The following STAT5B variants were observed in gnomAD, a reference collection of about 807,000 sequenced individuals.
STAT5B encodes signal transducer and activator of transcription 5B.
In STAT5B, 21 loss-of-function variants were observed where a neutral mutation model predicts 107.8. That is an observed-to-expected ratio of 0.19 (90% CI 0.14 to 0.28). The LOEUF (loss-of-function observed/expected upper bound fraction) is 0.28. STAT5B is among the 10% of genes least tolerant of loss of function. The pLI, the probability that STAT5B is intolerant of heterozygous loss-of-function variation, is 1.00. For synonymous variants in STAT5B, 325 were observed against 401.7 expected (o/e 0.81, Z 2.28); for missense variants, 565 against 1,008.2 (o/e 0.56, Z 5.95).
chr17:42,262,973 T>C (rs1394342518), intron 1 of STAT5B, among the ~76,000 whole-genome samples: 1 of 19,564 alleles, frequency 5.1e-5, no homozygotes, highest in Non-Finnish European at 8.9e-5. Flanking sequence ...TGTGTGTGTA[T>C]ATATATATAT....
intron 12 of STAT5B, 38 bp downstream of exon 12, chr17:42,215,976 T>C (rs751132270): frequency 2.7e-5 from 43 of 1,603,338 alleles, no homozygotes; most frequent in African/African-American, 4.0e-5. Context: ...GACACCGGCA[T>C]TGATTTTGGG....
At chr17:42,262,155 T>C (rs2144395010) in intron 1 of STAT5B, among the ~76,000 whole-genome samples, 1 of 152,274 alleles carries the variant, frequency 6.6e-6, no homozygotes, top group African/African-American at 2.4e-5. Context: ...CTGTCAAGTG[T>C]TAAAATTCTT....
chr17:42,274,528 T>C (rs574417374), intron 1 of STAT5B, among the ~76,000 whole-genome samples: 1 of 152,284 alleles, frequency 6.6e-6, no homozygotes, highest in South Asian at 2.1e-4. Flanking sequence ...CTAACAACTG[T>C]GATCTTCCAT....
chr17:42,277,243 C>G (rs2080773945), upstream of STAT5B, among the ~76,000 whole-genome samples: 1 of 152,100 alleles, frequency 6.6e-6, no homozygotes, highest in African/African-American at 2.4e-5. Flanking sequence ...AGCTGGCCAG[C>G]GGTTTCCCTG....
the STAT5B span, among the ~76,000 whole-genome samples, chr17:42,284,187 AGGGTAGG>A: frequency 9.2e-5 from 14 of 151,818 alleles, no homozygotes; most frequent in East Asian, 2.7e-3. Flanking sequence ...TGTTCTCCCC[AGGGTAGG>A]GGCATGGGCA....
At chr17:42,214,286 T>C in intron 12 of STAT5B, 2 of 984,938 alleles carry the variant, frequency 2.0e-6, no homozygotes, top group Non-Finnish European at 1.2e-6. Context: ...GAGAGTGAGA[T>C]CTGTGGACAG....
intron 6 of STAT5B, 70 bp downstream of exon 6, chr17:42,219,642 C>T (rs1423435597): frequency 4.6e-6 from 7 of 1,514,396 alleles, no homozygotes. Context: ...CTGGTCCCAG[C>T]CCTCCCTCGG....
intron 4 of STAT5B, among the ~76,000 whole-genome samples, chr17:42,223,902 G>C (rs901437570): frequency 2.6e-5 from 4 of 152,178 alleles, no homozygotes; most frequent in South Asian, 2.1e-4. Context: ...TGAGGAGGTG[G>C]AGTGATTCCT....
chr17:42,208,349 A>T (rs926018710), intron 15 of STAT5B, among the ~76,000 whole-genome samples: 1 of 151,852 alleles, frequency 6.6e-6, no homozygotes, highest in Admixed American at 6.6e-5. Flanking sequence ...AAAATACAAA[A>T]ATCAGCCAAG....
intron 5 of STAT5B, among the ~76,000 whole-genome samples, chr17:42,220,987 A>C (rs373150615): frequency 0.05 from 7,426 of 148,414 alleles, 203 homozygotes; most frequent in South Asian, 0.062. Context: ...AACAGCCCAG[A>C]GTCCTTGCTT....
intron 5 of STAT5B, 146 bp from the exon 6 acceptor site, chr17:42,219,988 G>C (rs537622926): frequency 1.9e-5 from 27 of 1,407,212 alleles, no homozygotes; most frequent in Non-Finnish European, 2.4e-5. Flanking sequence ...ACAGCCAGGG[G>C]GGCCAAGATG....
chr17:42,233,039 A>G (rs140225452), intron 1 of STAT5B, among the ~76,000 whole-genome samples: 87 of 151,998 alleles, frequency 5.7e-4, no homozygotes, highest in African/African-American at 2.1e-3. Context: ...ATGGGGTTTC[A>G]CCATGTTGGC....
At chr17:42,202,982 A>C in intron 16 of STAT5B, 174 bp from the exon 17 acceptor site, 13 of 840,344 alleles carry the variant, frequency 1.5e-5, no homozygotes, top group Non-Finnish European at 2.3e-5. Flanking sequence ...TCACTCTCTC[A>C]TCCAGGCTGG....
At chr17:42,229,205 A>C (rs1181029529) in intron 2 of STAT5B, among the ~76,000 whole-genome samples, 1 of 152,170 alleles carries the variant, frequency 6.6e-6, no homozygotes, top group East Asian at 1.9e-4. Context: ...GCTGGGATGC[A>C]GTAGCACGAT....
At chr17:42,257,457 T>A (rs115213761) in intron 1 of STAT5B, among the ~76,000 whole-genome samples, 1,832 of 152,336 alleles carry the variant, frequency 0.012, 44 homozygotes, top group African/African-American at 0.042. Flanking sequence ...TGTTCATCCC[T>A]GCTGAAAGCC....
At chr17:42,260,490 C>G (rs1420264715) in intron 1 of STAT5B, among the ~76,000 whole-genome samples, 3 of 151,892 alleles carry the variant, frequency 2.0e-5, no homozygotes, top group Non-Finnish European at 4.4e-5. Flanking sequence ...CTCACTGCAG[C>G]CTTAACCTCC....
At chr17:42,255,557 G>A (rs2080535765) in intron 1 of STAT5B, among the ~76,000 whole-genome samples, 1 of 152,144 alleles carries the variant, frequency 6.6e-6, no homozygotes, top group Non-Finnish European at 1.5e-5. Flanking sequence ...AACACAAAGG[G>A]GCAGATAGTG....
intron 3 of STAT5B, among the ~76,000 whole-genome samples, chr17:42,227,172 T>TAAATAAATAAATAAAC: frequency 6.7e-6 from 1 of 149,620 alleles, no homozygotes; most frequent in South Asian, 2.1e-4. Context: ...AATAAATAAA[T>TAAATAAATAAATAAAC]AGAAAATGCA....
chr17:42,259,464 G>C (rs1375203621), intron 1 of STAT5B, among the ~76,000 whole-genome samples: 1 of 152,104 alleles, frequency 6.6e-6, no homozygotes, highest in Non-Finnish European at 1.5e-5. Flanking sequence ...ATGGTAGGAA[G>C]CTTTAAGGGC....
Sources: allele counts gnomAD v4.1 joint callset (sites outside exome capture counted in the v4.1 genomes callset), GRCh38; gene constraint gnomAD v4.1.1; transcripts MANE v1.5; gene names NCBI Gene and HGNC (gene_info 2026-07-23, HGNC 2026-07-21).